GAPVD1: variants seen among roughly 807,000 people sequenced by gnomAD.
The protein encoded by GAPVD1 is GTPase-activating protein and VPS9 domain-containing protein 1.
Under a neutral mutation model 155.5 loss-of-function variants are expected in GAPVD1, and 35 were observed. That is an observed-to-expected ratio of 0.23 (90% CI 0.17 to 0.30). The LOEUF (loss-of-function observed/expected upper bound fraction) is 0.30, where lower values mean the gene tolerates loss of function less well. Among genes scored for constraint, GAPVD1 ranks in the 10% least tolerant of loss-of-function variants. The probability of loss-of-function intolerance (pLI) is 1.00; values close to 1 mark genes in which losing one functional copy is unlikely to be tolerated. For missense variants in GAPVD1, 1,429 were observed against 1,775.7 expected, an observed-to-expected ratio of 0.80 and a Z score of 3.51; for synonymous variants, 636 against 619.7, an observed-to-expected ratio of 1.03 and a Z score of -0.39.
intron 9 of GAPVD1, among the ~76,000 whole-genome samples, chr9:125,320,750 C>T (rs1240355991): frequency 2.0e-5 from 3 of 151,934 alleles, no homozygotes; most frequent in East Asian, 1.9e-4. Flanking sequence ...CTCAGCCTCC[C>T]GAGTAGCTGG....
chr9:125,347,014 GC>G, intron 20 of GAPVD1, 73 bp downstream of exon 20: 2 of 1,483,410 alleles, frequency 1.3e-6, no homozygotes, highest in Non-Finnish European at 1.9e-6. Flanking sequence ...AATTTAAGTG[GC>G]CTTTAAAAGA....
At chr9:125,297,066 T>C (rs981627882) in intron 3 of GAPVD1, among the ~76,000 whole-genome samples, 12 of 152,250 alleles carry the variant, frequency 7.9e-5, no homozygotes, top group Non-Finnish European at 1.5e-4. Context: ...ACATTTGTGA[T>C]CTGGCACAAA....
rs137975377 is a variant in GAPVD1, at chr9:125,265,104, C to T, written c.-199+3145C>T. On this transcript the variant is annotated intron_variant, in intron 1 of 27. Coordinates refer to ENST00000297933, the MANE Select transcript of GAPVD1 (RefSeq NM_001282680.3). ...CATTTGGTTTCATATGGGGACTAATCATTCTTAGTACATGCTGCCATATAG... is the reference window on the plus strand; with the variant it reads ...CATTTGGTTTCATATGGGGACTAATTATTCTTAGTACATGCTGCCATATAG... Among the ~76,000 whole-genome samples, 850 of 152,238 alleles carry T rather than the reference C, an allele frequency of 5.6e-3. 6 individuals carry two copies. The highest frequency in any genetic ancestry group is 0.02 in the African/African-American group (824 of 41,528).
In GAPVD1 at chr9:125,355,587, A is replaced by G; in HGVS notation, c.3758-57A>G. On this transcript the variant is annotated intron_variant, in intron 24 of 27. Transcript: ENST00000297933. ...AAATTATTTCTATGATTTCCTTTTT[A>G]AAATTATTTAGATAGTTTTTATTAA... The G allele has an allele frequency of 4.7e-6, 5 of 1,057,090 alleles. 1 individual carries two copies. In the South Asian group the frequency reaches 7.9e-5, roughly 17 times the overall value. The allele number at this position is 1,057,090 out of a possible 1,614,324, so 65.5% of individuals were successfully genotyped here. A position where few individuals can be genotyped will look rare whatever the true frequency, so the allele number is the denominator to read the frequency against.
rs1371896220 is a variant in GAPVD1, at chr9:125,366,341, G to A, written c.*3595G>A. 1 of 152,220 alleles carries A rather than the reference G, an allele frequency of 6.6e-6. No homozygotes were observed. The highest frequency in any genetic ancestry group is 2.4e-5 in the African/African-American group (1 of 41,450). The allele number at this position is 152,220 out of a possible 1,614,324, so 9.4% of individuals were successfully genotyped here. On this transcript the variant is annotated 3_prime_UTR_variant, in exon 28 of 28. Coordinates refer to ENST00000297933, the MANE Select transcript of GAPVD1 (RefSeq NM_001282680.3). ...CATGGAAATTTCCACTTTGGACCGA[G>A]TAAGGTCAACTAGGTGTTTTAAAAT...
At chr9:125,344,065 T>C (rs754717713) in intron 19 of GAPVD1, among the ~76,000 whole-genome samples, 8 of 152,190 alleles carry the variant, frequency 5.3e-5, no homozygotes, top group Non-Finnish European at 8.8e-5. Flanking sequence ...TAATTTATTT[T>C]CTTTGGCTGT....
chr9:125,273,992 T>TTTA (rs1330379033), intron 2 of GAPVD1, among the ~76,000 whole-genome samples: 1 of 151,372 alleles, frequency 6.6e-6, no homozygotes, highest in Non-Finnish European at 1.5e-5. Context: ...TTTTTATTTA[T>TTTA]TTATTATTAT....
Position 125,306,880 on chromosome 9 carries a change from C to T in GAPVD1, c.1117-533C>T, listed in dbSNP as rs1000739555. The stretch of plus-strand genomic sequence containing the variant: ...TCATGCTGGTAATCCTAGTGCTGAG[C>T]GCACTTTGGGAAGCTGAGGTGGACG... On this transcript the variant is annotated intron_variant, in intron 6 of 27. Transcript: ENST00000297933. Among the ~76,000 whole-genome samples the T allele has an allele frequency of 3.5e-4, 53 of 152,200 alleles. No homozygotes were observed. In the South Asian group the frequency reaches 4.1e-3, roughly 12 times the overall value.
At chr9:125,353,069 T>C (rs1849544262) in intron 23 of GAPVD1, among the ~76,000 whole-genome samples, 1 of 151,318 alleles carries the variant, frequency 6.6e-6, no homozygotes, top group Non-Finnish European at 1.5e-5. Context: ...ATCACGCCAC[T>C]GCACTCCAGG....
intron 2 of GAPVD1, among the ~76,000 whole-genome samples, chr9:125,288,823 A>G (rs1838139716): frequency 2.0e-5 from 3 of 152,256 alleles, no homozygotes; most frequent in Non-Finnish European, 2.9e-5. Flanking sequence ...TGGTCAATAC[A>G]TGAGATAAAT....
chr9:125,336,789 G>A (rs1434710636), intron 15 of GAPVD1: 2 of 510,778 alleles, frequency 3.9e-6, no homozygotes, highest in African/African-American at 3.9e-5. Context: ...TAACAGGCAT[G>A]TAGATGCCAG....
chr9:125,287,234 C>T (rs1021636512), intron 2 of GAPVD1, among the ~76,000 whole-genome samples: 1 of 151,728 alleles, frequency 6.6e-6, no homozygotes, highest in African/African-American at 2.4e-5. Flanking sequence ...AGAAACATGA[C>T]GATGAACTCA....
At position 125,337,371 on chromosome 9, in the gene GAPVD1, C is replaced by T; in HGVS notation, c.2657C>T (p.Ala886Val). 1 of 1,614,160 alleles carries T rather than the reference C, an allele frequency of 6.2e-7. No individual in the cohort carries two copies. Among genetic ancestry groups the T allele is most frequent in the Non-Finnish European group, 8.5e-7 (1 of 1,180,002 alleles). Residue 886 changes from alanine to valine, a missense_variant, in exon 17 of 28, where the codon GCA becomes GTA. Ala to Val is a moderately conservative substitution (Grantham distance 64). Around this residue, in one of 4 missense-constraint regions of GAPVD1, gnomAD observed 699 missense variants for 826.0 expected, o/e 0.85. Coordinates refer to ENST00000297933, the MANE Select transcript of GAPVD1 (RefSeq NM_001282680.3). ...GTTTTAACTCCAGCTGAAATGGAGGCATTCAAGCAAAGGCATTCTTACCCT... is the reference window on the plus strand; with the variant it reads ...GTTTTAACTCCAGCTGAAATGGAGGTATTCAAGCAAAGGCATTCTTACCCT... ...SHVLTPAEME[A>V]FKQRHSYPER... is the part of the protein sequence containing the mutation.
At chr9:125,281,121 C>T (rs1836720631) in intron 2 of GAPVD1, among the ~76,000 whole-genome samples, 1 of 152,086 alleles carries the variant, frequency 6.6e-6, no homozygotes, top group Admixed American at 6.6e-5. Flanking sequence ...AATGTGTTAA[C>T]AGATGTTAAT....
chr9:125,282,127 A>G (rs1049042944), intron 2 of GAPVD1, among the ~76,000 whole-genome samples: 1 of 152,102 alleles, frequency 6.6e-6, no homozygotes, highest in African/African-American at 2.4e-5. Context: ...AAAAATACAA[A>G]AATTAGCTGG....
chr9:125,350,231 A>G (rs1211286334), intron 21 of GAPVD1, 64 bp from the exon 22 acceptor site: 3 of 944,154 alleles, frequency 3.2e-6, no homozygotes, highest in Admixed American at 4.8e-5. Flanking sequence ...TTATATAGTA[A>G]ATATTTGTAA....
intron 2 of GAPVD1, among the ~76,000 whole-genome samples, chr9:125,272,818 A>G (rs1324249528): frequency 6.6e-6 from 1 of 152,212 alleles, no homozygotes; most frequent in Admixed American, 6.5e-5. Context: ...TGTACATGAC[A>G]GCCCTCTGTT....
intron 2 of GAPVD1, among the ~76,000 whole-genome samples, chr9:125,281,581 G>A (rs115222513): frequency 6.6e-6 from 1 of 152,080 alleles, no homozygotes; most frequent in Admixed American, 6.5e-5. Context: ...AATTATGACA[G>A]TTTGTTACAA....
intron 2 of GAPVD1, among the ~76,000 whole-genome samples, chr9:125,280,140 T>C (rs1468730540): frequency 2.0e-5 from 3 of 149,502 alleles, no homozygotes; most frequent in African/African-American, 7.3e-5. Flanking sequence ...CTCACGCCTG[T>C]AATCCCAGCA....
Sources: gnomAD v4.1 joint callset for allele counts (sites outside exome capture counted in the v4.1 genomes callset) on GRCh38, gnomAD v4.1.1 for gene constraint, gnomAD v4.1.1 regional missense constraint, MANE v1.5 for transcripts, NCBI Gene and HGNC (gene_info 2026-07-23, HGNC 2026-07-21) for gene names.